PHTF2: variants seen among roughly 807,000 people sequenced by gnomAD.
PHTF2 encodes the protein protein PHTF2.
Under a neutral mutation model 101.2 loss-of-function variants are expected in PHTF2, and 60 were observed. The observed-to-expected ratio is 0.59, with a 90% CI of 0.48 to 0.73. The LOEUF (loss-of-function observed/expected upper bound fraction) is 0.73, where lower values mean the gene tolerates loss of function less well. PHTF2 is among the 30% of genes least tolerant of loss of function. The probability of loss-of-function intolerance (pLI) is 0.00; values close to 1 mark genes in which losing one functional copy is unlikely to be tolerated. For synonymous variants in PHTF2, 311 were observed against 307.3 expected (o/e 1.01, Z -0.13); for missense variants, 747 against 908.7 (o/e 0.82, Z 2.29).
At chr7:77,942,625 C>A (rs1213142336) in intron 15 of PHTF2, 75 bp from the exon 15 acceptor site, 9 of 787,626 alleles carry the variant, frequency 1.1e-5, no homozygotes, top group Non-Finnish European at 1.9e-5. Context: ...TTTATTGAAA[C>A]CATGGAAATT....
chr7:77,898,986 G>C (rs1423122484), intron 5 of PHTF2, among the ~76,000 whole-genome samples: 1 of 151,988 alleles, frequency 6.6e-6, no homozygotes, highest in Non-Finnish European at 1.5e-5. Context: ...ATTTTTAGTA[G>C]AGACGGGGTT....
intron 2 of PHTF2, among the ~76,000 whole-genome samples, chr7:77,846,274 C>G (rs1002083895): frequency 6.6e-6 from 1 of 152,170 alleles, no homozygotes; most frequent in Non-Finnish European, 1.5e-5. Flanking sequence ...TCATGGCATT[C>G]TGTTTCCCTT....
intron 2 of PHTF2, among the ~76,000 whole-genome samples, chr7:77,854,360 C>CT (rs1332117685): frequency 1.3e-5 from 2 of 152,138 alleles, no homozygotes; most frequent in African/African-American, 4.8e-5. Context: ...GCATGCACCC[C>CT]TTTGGCTACC....
At chr7:77,951,081 AC>A (rs1326958130) in intron 17 of PHTF2, among the ~76,000 whole-genome samples, 2 of 152,228 alleles carry the variant, frequency 1.3e-5, no homozygotes, top group Non-Finnish European at 2.9e-5. Context: ...AACTGTGGAT[AC>A]CCCAAAATTA....
intron 1 of PHTF2, among the ~76,000 whole-genome samples, chr7:77,799,604 T>G (rs1792371749): frequency 6.6e-6 from 1 of 152,254 alleles, no homozygotes; most frequent in South Asian, 2.1e-4. Flanking sequence ...TCCATCAGCA[T>G]GCTTCAGCTT....
chr7:77,898,702 CTTATT>C (rs1304053473), intron 5 of PHTF2, among the ~76,000 whole-genome samples: 3 of 152,082 alleles, frequency 2.0e-5, no homozygotes, highest in Non-Finnish European at 2.9e-5. Context: ...TTAAAGACAC[CTTATT>C]TAATATATAT....
At chr7:77,825,313 G>A (rs1411251103) in intron 1 of PHTF2, among the ~76,000 whole-genome samples, 2 of 152,162 alleles carry the variant, frequency 1.3e-5, no homozygotes, top group Admixed American at 6.5e-5. Context: ...CAAGACAAAG[G>A]AAAGAGGAAG....
intron 1 of PHTF2, among the ~76,000 whole-genome samples, chr7:77,836,813 G>T (rs951816437): frequency 1.3e-5 from 2 of 151,778 alleles, no homozygotes; most frequent in Non-Finnish European, 1.5e-5. Flanking sequence ...CACCAGGGCC[G>T]GTCGGGGTGG....
At chr7:77,917,833 C>T (rs1013834158) in intron 9 of PHTF2, among the ~76,000 whole-genome samples, 6 of 152,198 alleles carry the variant, frequency 3.9e-5, no homozygotes, top group African/African-American at 9.6e-5. Flanking sequence ...GTAATACTTA[C>T]ATTTAGCATT....
chr7:77,941,652 A>G (rs889954028), intron 15 of PHTF2, among the ~76,000 whole-genome samples: 3 of 152,104 alleles, frequency 2.0e-5, no homozygotes, highest in Admixed American at 6.5e-5. Context: ...ACCAATTCCT[A>G]TCTTTTCTGC....
intron 2 of PHTF2, among the ~76,000 whole-genome samples, chr7:77,845,834 A>G (rs1796235657): frequency 6.6e-6 from 1 of 152,188 alleles, no homozygotes; most frequent in African/African-American, 2.4e-5. Context: ...AGGTAAGACA[A>G]ATCTAACTCA....
At chr7:77,920,012 T>C (rs1173515173) in intron 9 of PHTF2, among the ~76,000 whole-genome samples, 1 of 152,192 alleles carries the variant, frequency 6.6e-6, no homozygotes, top group Non-Finnish European at 1.5e-5. Flanking sequence ...GACCAGATGA[T>C]TTACTAAGAA....
chr7:77,940,371 G>T (rs866831043), intron 14 of PHTF2, 69 bp downstream of exon 13: 2 of 1,384,730 alleles, frequency 1.4e-6, no homozygotes, highest in South Asian at 2.9e-5. Flanking sequence ...TATTCCTGAA[G>T]TACTTTATTA....
chr7:77,809,586 C>T (rs1463358491), intron 1 of PHTF2, among the ~76,000 whole-genome samples: 1 of 151,990 alleles, frequency 6.6e-6, no homozygotes, highest in Non-Finnish European at 1.5e-5. Flanking sequence ...CAAAATATGT[C>T]TGTATAATTT....
At chr7:77,851,275 A>G (rs905192197) in intron 2 of PHTF2, among the ~76,000 whole-genome samples, 2 of 151,968 alleles carry the variant, frequency 1.3e-5, no homozygotes, top group African/African-American at 4.8e-5. Context: ...TACAGCTTTG[A>G]TCTCATTACT....
chr7:77,865,071 T>A (rs1348683158), intron 3 of PHTF2, among the ~76,000 whole-genome samples: 2 of 152,056 alleles, frequency 1.3e-5, no homozygotes, highest in Admixed American at 6.6e-5. Context: ...AGGAAAAAAA[T>A]TTGAAATGGG....
At position 77,871,193 on chromosome 7, in the gene PHTF2, C is replaced by T. The variant is rs772548037; in HGVS notation, c.147+16359C>T. Among the ~76,000 whole-genome samples the T allele has an allele frequency of 4.5e-4, 68 of 152,216 alleles. 2 individuals carry two copies. Among genetic ancestry groups the T allele is most frequent in the Middle Eastern group, 3.4e-3 (1 of 294 alleles). On this transcript the variant is annotated intron_variant, in intron 3 of 19. Transcript: ENST00000416283. ...GGTCTCGGGGTCATTTGTAGTCCTG[C>T]CTGAATTGGGCTGTTGTAGTTTCCC...
intron 2 of PHTF2, among the ~76,000 whole-genome samples, chr7:77,840,608 T>C (rs541387616): frequency 2.0e-5 from 3 of 152,302 alleles, no homozygotes; most frequent in Admixed American, 2.0e-4. Context: ...AAAGAAAGAT[T>C]AGCAGAGCTG....
intron 3 of PHTF2, among the ~76,000 whole-genome samples, chr7:77,862,101 C>T (rs1257058121): frequency 6.6e-6 from 1 of 151,380 alleles, no homozygotes; most frequent in Admixed American, 6.6e-5. Flanking sequence ...ATACCTTTCA[C>T]TCTTCCCTAG....
Sources: gnomAD v4.1 joint callset for allele counts (sites outside exome capture counted in the v4.1 genomes callset) on GRCh38, gnomAD v4.1.1 for gene constraint, MANE v1.5 for transcripts, NCBI Gene and HGNC (gene_info 2026-07-23, HGNC 2026-07-21) for gene names.